CAST: variants seen among roughly 807,000 people sequenced by gnomAD.
CAST encodes the protein MIR583 host.
A neutral mutation model predicts 119.6 loss-of-function variants in CAST; 76 were observed. That is an observed-to-expected ratio of 0.64 (90% CI 0.53 to 0.77). CAST has a LOEUF of 0.77. CAST is among the 30% of genes least tolerant of loss of function. The pLI is 0.00. For missense variants in CAST, 953 were observed against 946.5 expected (o/e 1.01, Z -0.09); for synonymous variants, 319 against 331.6 (o/e 0.96, Z 0.41).
At chr5:96,052,963 T>C in the CAST span, among the ~76,000 whole-genome samples, 1 of 152,222 alleles carries the variant, frequency 6.6e-6, no homozygotes, top group Non-Finnish European at 1.5e-5. Context: ...AGAGCAGCCC[T>C]CTGAAGTGGT....
the CAST span, among the ~76,000 whole-genome samples, chr5:96,511,887 A>G: frequency 6.6e-6 from 1 of 152,202 alleles, no homozygotes; most frequent in African/African-American, 2.4e-5. Context: ...AGTCCTTCAC[A>G]TCCAACCTCT....
At chr5:96,064,336 C>T in the CAST span, among the ~76,000 whole-genome samples, 1 of 152,086 alleles carries the variant, frequency 6.6e-6, no homozygotes. Context: ...AAGTTAGAGA[C>T]TCTCATAAAC....
At chr5:96,184,665 T>C in the CAST span, among the ~76,000 whole-genome samples, 4 of 152,304 alleles carry the variant, frequency 2.6e-5, no homozygotes, top group African/African-American at 9.6e-5. Flanking sequence ...TCCATCCATG[T>C]CTCTGCAAAG....
At chr5:96,143,200 CAG>C in the CAST span, among the ~76,000 whole-genome samples, 1 of 152,132 alleles carries the variant, frequency 6.6e-6, no homozygotes, top group Admixed American at 6.5e-5. Flanking sequence ...GATGTAATAA[CAG>C]TGATGCAATT....
the CAST span, chr5:96,416,185 A>G: frequency 1.9e-6 from 2 of 1,074,570 alleles, no homozygotes; most frequent in African/African-American, 3.1e-5. Context: ...TTGCATATGA[A>G]TGAATTAATG....
At chr5:96,427,609 A>G in the CAST span, among the ~76,000 whole-genome samples, 1 of 152,162 alleles carries the variant, frequency 6.6e-6, no homozygotes, top group Non-Finnish European at 1.5e-5. Flanking sequence ...CCACCAAATC[A>G]GCTATCAAGG....
At chr5:96,310,401 T>C in the CAST span, among the ~76,000 whole-genome samples, 9 of 152,326 alleles carry the variant, frequency 5.9e-5, no homozygotes, top group South Asian at 1.7e-3. Flanking sequence ...TCTTTTCTTA[T>C]GATGTCTTTG....
chr5:96,332,699 T>C, the CAST span, among the ~76,000 whole-genome samples: 1 of 152,056 alleles, frequency 6.6e-6, no homozygotes, highest in Non-Finnish European at 1.5e-5. Context: ...GGGAGGATAA[T>C]GAAGAAAACT....
At chr5:96,639,310 C>T (rs1048166463) in intron 1 of CAST, among the ~76,000 whole-genome samples, 2 of 152,138 alleles carry the variant, frequency 1.3e-5, no homozygotes, top group African/African-American at 2.4e-5. Context: ...TGTAGGATTC[C>T]AAGATGGACT....
the CAST span, among the ~76,000 whole-genome samples, chr5:96,461,942 C>A: frequency 6.6e-6 from 1 of 152,090 alleles, no homozygotes; most frequent in African/African-American, 2.4e-5. Flanking sequence ...CCAAACAGAG[C>A]AGCTCAGGTG....
At chr5:96,057,514 C>T in the CAST span, among the ~76,000 whole-genome samples, 8 of 152,128 alleles carry the variant, frequency 5.3e-5, no homozygotes, top group African/African-American at 1.9e-4. Flanking sequence ...AGCTTTTCTT[C>T]ATAAGGCATT....
the CAST span, among the ~76,000 whole-genome samples, chr5:96,096,396 C>A: frequency 6.6e-6 from 1 of 152,258 alleles, no homozygotes; most frequent in South Asian, 2.1e-4. Context: ...AGAGACTGGT[C>A]CCAGAGCTTT....
chr5:96,327,925 C>G, the CAST span, among the ~76,000 whole-genome samples: 1 of 152,194 alleles, frequency 6.6e-6, no homozygotes, highest in Non-Finnish European at 1.5e-5. Context: ...TTGTAAAGTG[C>G]TGTACAAATC....
the CAST span, among the ~76,000 whole-genome samples, chr5:95,984,987 A>AATTTTACCTGTTTCTTTTTTTTTTTT: frequency 0.076 from 11,540 of 152,074 alleles, 972 homozygotes; most frequent in African/African-American, 0.2. Context: ...TATTAAAGCC[A>AATTTTACCTGTTTCTTTTTTTTTTTT]AAAGTGGTTT....
At chr5:96,667,037 AGC>A (rs2150227620) in intron 1 of CAST, among the ~76,000 whole-genome samples, 1 of 152,236 alleles carries the variant, frequency 6.6e-6, no homozygotes, top group East Asian at 1.9e-4. Flanking sequence ...AAAGCTTTAC[AGC>A]CACCATAAAG....
chr5:96,076,754 G>C, the CAST span, among the ~76,000 whole-genome samples: 2 of 152,124 alleles, frequency 1.3e-5, no homozygotes, highest in East Asian at 3.9e-4. Context: ...ATTGAAATTG[G>C]TTGTATTTTG....
At chr5:96,709,723 T>C (rs2150352115) in intron 3 of CAST, among the ~76,000 whole-genome samples, 1 of 152,334 alleles carries the variant, frequency 6.6e-6, no homozygotes, top group Middle Eastern at 3.4e-3. Context: ...ACTCTACACA[T>C]GTTTTCATTT....
chr5:96,009,276 G>A, the CAST span, among the ~76,000 whole-genome samples: 1 of 152,148 alleles, frequency 6.6e-6, no homozygotes, highest in Non-Finnish European at 1.5e-5. Flanking sequence ...GAACATAAGA[G>A]TGATTGTATC....
the CAST span, among the ~76,000 whole-genome samples, chr5:96,444,132 C>G: frequency 6.6e-6 from 1 of 152,168 alleles, no homozygotes; most frequent in South Asian, 2.1e-4. Context: ...CCCCACCTTG[C>G]CCCTTATGGA....
Sources: allele counts gnomAD v4.1 joint callset (sites outside exome capture counted in the v4.1 genomes callset), GRCh38; gene constraint gnomAD v4.1.1; transcripts MANE v1.5; gene names NCBI Gene and HGNC (gene_info 2026-07-23, HGNC 2026-07-21).